Variants in NR3C2 observed in about 807,000 individuals in gnomAD.
The protein encoded by NR3C2 is nuclear receptor subfamily 3 group C member 2.
A neutral mutation model predicts 86.4 loss-of-function variants in NR3C2; 15 were observed. The observed-to-expected ratio is 0.17, with a 90% CI of 0.12 to 0.27. NR3C2 has a LOEUF of 0.27. NR3C2 is among the 10% of genes least tolerant of loss of function. The pLI is 1.00. For missense variants in NR3C2, 960 were observed against 1,195.6 expected (o/e 0.80, Z 2.91); for synonymous variants, 458 against 450.5 (o/e 1.02, Z -0.21).
intron 2 of NR3C2, among the ~76,000 whole-genome samples, chr4:148,375,365 A>C (rs1746623040): frequency 6.6e-6 from 1 of 151,954 alleles, no homozygotes; most frequent in Admixed American, 6.6e-5. Flanking sequence ...CTGAGACAGG[A>C]GAATTGCTTG....
At chr4:148,356,542 G>A (rs770173049) in intron 2 of NR3C2, among the ~76,000 whole-genome samples, 1 of 152,092 alleles carries the variant, frequency 6.6e-6, no homozygotes, top group African/African-American at 2.4e-5. Flanking sequence ...TAAACGTATC[G>A]GGAGCTTAAT....
intron 2 of NR3C2, among the ~76,000 whole-genome samples, chr4:148,434,369 G>A (rs890332518): frequency 6.6e-6 from 1 of 152,106 alleles, no homozygotes; most frequent in African/African-American, 2.4e-5. Flanking sequence ...GGAAAGCCAA[G>A]AGATATTTTA....
intron 6 of NR3C2, among the ~76,000 whole-genome samples, chr4:148,141,815 T>C (rs903816803): frequency 1.3e-5 from 2 of 152,138 alleles, no homozygotes; most frequent in African/African-American, 2.4e-5. Flanking sequence ...ATGCTCCTTA[T>C]GAGAATCTAA....
At chr4:148,247,044 A>G (rs184752585) in intron 3 of NR3C2, among the ~76,000 whole-genome samples, 1 of 152,316 alleles carries the variant, frequency 6.6e-6, no homozygotes, top group African/African-American at 2.4e-5. Context: ...TGATAGTTAA[A>G]AAAAGGATAA....
intron 4 of NR3C2, among the ~76,000 whole-genome samples, chr4:148,170,083 A>T (rs1288243729): frequency 6.6e-6 from 1 of 152,224 alleles, no homozygotes; most frequent in Admixed American, 6.5e-5. Context: ...GGGGTGGATA[A>T]TTCTTTGTGT....
chr4:148,314,019 G>A (rs1192706279), intron 2 of NR3C2, among the ~76,000 whole-genome samples: 3 of 152,156 alleles, frequency 2.0e-5, no homozygotes, highest in Admixed American at 6.5e-5. Flanking sequence ...GAAAGAGGAG[G>A]TGTATTTTAT....
intron 2 of NR3C2, among the ~76,000 whole-genome samples, chr4:148,297,305 C>G (rs956405502): frequency 3.3e-5 from 5 of 152,206 alleles, no homozygotes; most frequent in African/African-American, 1.2e-4. Flanking sequence ...TTGTATTTAT[C>G]AAATTTCTCC....
intron 3 of NR3C2, among the ~76,000 whole-genome samples, chr4:148,243,421 A>G (rs768142669): frequency 3.3e-5 from 5 of 152,144 alleles, no homozygotes; most frequent in Non-Finnish European, 7.4e-5. Context: ...TACAACTCAG[A>G]CTGAAGTTAA....
intron 1 of NR3C2, among the ~76,000 whole-genome samples, chr4:148,439,940 T>G (rs1013438517): frequency 3.9e-5 from 6 of 152,198 alleles, no homozygotes; most frequent in African/African-American, 1.2e-4. Flanking sequence ...ATCACAACTT[T>G]CCAAGTCCTG....
chr4:148,104,038 G>A (rs1160268466), intron 8 of NR3C2, among the ~76,000 whole-genome samples: 1 of 152,154 alleles, frequency 6.6e-6, no homozygotes, highest in Non-Finnish European at 1.5e-5. Context: ...AGCATCCATT[G>A]GCACAAGTCA....
At chr4:148,281,177 G>GAGAGGAGCAGACTGTGGTACTA (rs1314594175) in intron 2 of NR3C2, among the ~76,000 whole-genome samples, 11 of 152,172 alleles carry the variant, frequency 7.2e-5, no homozygotes, top group Non-Finnish European at 1.3e-4. Flanking sequence ...ACCTCCAAAG[G>GAGAGGAGCAGACTGTGGTACTA]AGAGGAGCAG....
At chr4:148,165,421 A>G (rs910318957) in intron 4 of NR3C2, among the ~76,000 whole-genome samples, 21 of 152,138 alleles carry the variant, frequency 1.4e-4, no homozygotes, top group African/African-American at 4.3e-4. Context: ...ATACACCAGG[A>G]AAGAGTTTTA....
chr4:148,097,784 C>T (rs1365025182), intron 8 of NR3C2, among the ~76,000 whole-genome samples: 3 of 133,488 alleles, frequency 2.2e-5, no homozygotes, highest in South Asian at 2.4e-4. Flanking sequence ...CATCAGCTGT[C>T]GCTAGTGTTA....
chr4:148,349,490 A>C (rs901716146), intron 2 of NR3C2, among the ~76,000 whole-genome samples: 1 of 152,152 alleles, frequency 6.6e-6, no homozygotes, highest in African/African-American at 2.4e-5. Flanking sequence ...TACTCAGAGA[A>C]AGAAGGACTT....
At chr4:148,340,993 G>A (rs919940410) in intron 2 of NR3C2, among the ~76,000 whole-genome samples, 3 of 152,080 alleles carry the variant, frequency 2.0e-5, no homozygotes, top group African/African-American at 7.2e-5. Context: ...TAAGGATGAA[G>A]AGAAACGGGA....
chr4:148,333,554 T>G (rs1172197273), intron 2 of NR3C2, among the ~76,000 whole-genome samples: 1 of 132,276 alleles, frequency 7.6e-6, no homozygotes, highest in Non-Finnish European at 1.7e-5. Context: ...CCCTAGTGAT[T>G]GGAGAATGAA....
At chr4:148,236,088 C>T (rs1367960207) in intron 3 of NR3C2, among the ~76,000 whole-genome samples, 1 of 152,180 alleles carries the variant, frequency 6.6e-6, no homozygotes, top group African/African-American at 2.4e-5. Flanking sequence ...ACCCATCTGA[C>T]GTCCCCTTGG....
At chr4:148,119,314 C>G (rs763936489) in intron 7 of NR3C2, among the ~76,000 whole-genome samples, 1 of 152,210 alleles carries the variant, frequency 6.6e-6, no homozygotes, top group African/African-American at 2.4e-5. Context: ...ACACTCATTA[C>G]TGATGCTCAT....
At chr4:148,361,425 C>A (rs1406939825) in intron 2 of NR3C2, among the ~76,000 whole-genome samples, 1 of 152,180 alleles carries the variant, frequency 6.6e-6, no homozygotes, top group Admixed American at 6.5e-5. Flanking sequence ...TTAGACAGGA[C>A]TTTGAAGAAG....
Sources: gnomAD v4.1 joint callset for allele counts (sites outside exome capture counted in the v4.1 genomes callset) on GRCh38, gnomAD v4.1.1 for gene constraint, MANE v1.5 for transcripts, NCBI Gene and HGNC (gene_info 2026-07-23, HGNC 2026-07-21) for gene names.